Variants in CHADL observed in about 807,000 individuals in gnomAD.
CHADL encodes chondroadherin-like protein.
In CHADL, 48 loss-of-function variants were observed where a neutral mutation model predicts 52.1. The ratio of observed to expected loss-of-function variants is 0.92; its 90% confidence interval spans 0.73 to 1.17. CHADL has a LOEUF of 1.17. Ranked by LOEUF, CHADL falls within the 50% of genes most tolerant of loss-of-function variation. The pLI is 0.00. For synonymous variants in CHADL, 498 were observed against 511.2 expected, an observed-to-expected ratio of 0.97 and a Z score of 0.35; for missense variants, 977 against 1,035.1, an observed-to-expected ratio of 0.94 and a Z score of 0.77.
At position 41,238,282 on chromosome 22, in the gene CHADL, C is replaced by A; in HGVS notation, c.790G>T (p.Gly264Trp). The change falls in exon 3 of 6, where the codon GGG becomes TGG. Residue 264 changes from glycine (G) to tryptophan (W), a missense_variant. Transcript: ENST00000216241. This position sits in a 1 kb window ranked among gnomAD's most constrained non-coding sequence, Gnocchi z 4.9. Reference protein sequence around the residue: ...PGLRELLLDGGALQALGPRAF... With the variant: ...PGLRELLLDGWALQALGPRAF... The stretch of plus-strand genomic sequence containing the variant: ...CTGGGACCCAGGGCCTGCAGGGCCC[C>A]GCCGTCCAGCAGCAGCTCCCGCAGG... The A allele has an allele frequency of 6.5e-7, 1 of 1,529,716 alleles. No individual in the cohort carries two copies. The highest frequency in any genetic ancestry group is 8.7e-7 in the Non-Finnish European group (1 of 1,144,436). 94.8% of individuals were successfully genotyped at this position (1,529,716 alleles called of 1,614,324 possible).
At chr22:41,240,259 TTAA>T (rs1342138904) in intron 1 of CHADL, among the ~76,000 whole-genome samples, 1 of 152,160 alleles carries the variant, frequency 6.6e-6, no homozygotes, top group Non-Finnish European at 1.5e-5. Flanking sequence ...GGCTAATTTT[TTAA>T]TTACTTCTGG....
chr22:41,238,317 G>T lies in CHADL; in HGVS notation c.755C>A (p.Ala252Glu). Reference sequence around the variant, plus strand: ...CAGCAGCTCCCGCAGGCCGGGCAGCGCCAGCCCGTCCTCCTCGCCCGCGTA... The same window carrying T: ...CAGCAGCTCCCGCAGGCCGGGCAGCTCCAGCCCGTCCTCCTCGCCCGCGTA... Reference protein sequence around the residue: ...LTYAGEEDGLALPGLRELLLD... With the variant: ...LTYAGEEDGLELPGLRELLLD... The change falls in exon 3 of 6, where the codon GCG (alanine) becomes GAG (glutamate). Residue 252 changes from alanine (A) to glutamate (E), a missense_variant. Ala to Glu is a moderately radical substitution (Grantham distance 107, BLOSUM62 -1). Coordinates refer to ENST00000216241, the MANE Select transcript of CHADL (RefSeq NM_138481.2). The surrounding 1 kb of genome is among the most constrained non-coding windows in gnomAD (Gnocchi z 4.9). 6.6e-7 allele frequency: 1 copy of T among 1,525,022 alleles called. No individual in the cohort carries two copies. Among genetic ancestry groups the T allele is most frequent in the Non-Finnish European group, 8.8e-7 (1 of 1,142,550 alleles). The allele number at this position is 1,525,022 out of a possible 1,614,324, so 94.5% of individuals were successfully genotyped here. A position where few individuals can be genotyped will look rare whatever the true frequency, so the allele number is the denominator to read the frequency against.
chr22:41,238,725 T>G lies in CHADL; in HGVS notation c.347A>C (p.Asn116Thr). Reference sequence around the variant, plus strand: ...CTCACGCAGGTGGTTGGAGGCCAGGTTGAGCAGGAGCAGGCGGCCCAGGCC... The same window carrying G: ...CTCACGCAGGTGGTTGGAGGCCAGGGTGAGCAGGAGCAGGCGGCCCAGGCC... The part of the protein sequence containing the change: ...FRGLGRLLLL[N>T]LASNHLRELP... The change falls in exon 3 of 6, where the codon AAC becomes ACC. Residue 116 changes from asparagine to threonine, a missense_variant. Asn to Thr is a moderately conservative substitution (Grantham distance 65, BLOSUM62 0). Transcript: ENST00000216241. The surrounding 1 kb of genome is among the most constrained non-coding windows in gnomAD (Gnocchi z 4.9). The G allele has an allele frequency of 1.3e-6, 2 of 1,548,280 alleles. No homozygotes were observed. Among genetic ancestry groups the G allele is most frequent in the Non-Finnish European group, 1.7e-6 (2 of 1,146,526 alleles).
chr22:41,232,904 A>G (rs1394727702), intron 5 of CHADL, among the ~76,000 whole-genome samples: 1 of 152,138 alleles, frequency 6.6e-6, no homozygotes, highest in Non-Finnish European at 1.5e-5. Flanking sequence ...TATTGCTCTC[A>G]TCAACGATAG....
chr22:41,236,538 A>G lies in CHADL; in HGVS notation c.2009T>C (p.Ile670Thr), dbSNP rs898244686. ...ALPSLSQLELIDLSSNPFHCD... is the reference protein window; with the variant it reads ...ALPSLSQLELTDLSSNPFHCD... ...GTGGAAGGGATTGCTGCTGAGGTCG[A>G]TGAGCTCCAGCTGGCTGAGACTGGG... The change falls in exon 4 of 6, where the codon ATC (isoleucine) becomes ACC (threonine). Residue 670 changes from isoleucine (I) to threonine (T), a missense_variant. Physicochemically the swap from Ile to Thr is moderately conservative, Grantham distance 89. Coordinates refer to ENST00000216241, the MANE Select transcript of CHADL (RefSeq NM_138481.2). 8.4e-6 allele frequency: 13 copies of G among 1,551,340 alleles called. No homozygotes were observed. In the African/African-American group the frequency reaches 1.6e-4, roughly 20 times the overall value.
chr22:41,238,179 C>T lies in CHADL; in HGVS notation c.893G>A (p.Gly298Asp). The T allele has an allele frequency of 6.6e-7, 1 of 1,504,226 alleles. No homozygotes were observed. The highest frequency in any genetic ancestry group is 1.2e-5 in the South Asian group (1 of 80,636). The allele number at this position is 1,504,226 out of a possible 1,614,324, so 93.2% of individuals were successfully genotyped here. ...CCGCAGCCGGCGCAGCTGGCCCGGG[C>T]CCTGCAGCGGGGGCAGGGTGTCTAG... The part of the protein sequence containing the change: ...NQLDTLPPLQ[G>D]PGQLRRLRLQ... The change falls in exon 3 of 6, where the codon GGC becomes GAC. Residue 298 changes from glycine (G) to aspartate (D), a missense_variant. By Grantham distance (94) the Gly-to-Asp change is moderately conservative (BLOSUM62 -1). Transcript: ENST00000216241. The surrounding 1 kb of genome is among the most constrained non-coding windows in gnomAD (Gnocchi z 4.9).
In CHADL at chr22:41,237,510, G is replaced by A. The variant is rs1042915634; in HGVS notation, c.1562C>T (p.Pro521Leu). Residue 521 changes from proline (P) to leucine (L), a missense_variant, in exon 3 of 6, where the codon CCC (proline) becomes CTC (leucine). Physicochemically the swap from Pro to Leu is moderately conservative, Grantham distance 98 (BLOSUM62 -3). Transcript: ENST00000216241. ...QVPGAALRAL[P>L]SLFSLHLQDN... ...CTGCAGGTGCAGGGAGAAGAGGCTG[G>A]GCAGGGCGCGCAGGGCAGCCCCTGG... 3.2e-6 allele frequency: 5 copies of A among 1,550,492 alleles called. No individual in the cohort carries two copies. Among genetic ancestry groups the A allele is most frequent in the Non-Finnish European group, 4.4e-6 (5 of 1,146,938 alleles).
chr22:41,231,583 T>G (rs1441332756), intron 5 of CHADL, among the ~76,000 whole-genome samples: 1 of 152,276 alleles, frequency 6.6e-6, no homozygotes, highest in East Asian at 1.9e-4. Flanking sequence ...GACCACGTGT[T>G]GCTGGTGCCT....
chr22:41,239,378 C>A (rs1038338873), intron 2 of CHADL, 65 bp downstream of exon 2: 11 of 1,455,098 alleles, frequency 7.6e-6, no homozygotes, highest in Non-Finnish European at 9.3e-6. Context: ...CCAGCCCAGG[C>A]TCCTCCCTCT....
At position 41,238,214 on chromosome 22, in the gene CHADL, G is replaced by T; in HGVS notation, c.858C>A (p.Arg286=). The T allele has an allele frequency of 6.6e-7, 1 of 1,524,634 alleles. No individual in the cohort carries two copies. Among genetic ancestry groups the T allele is most frequent in the Non-Finnish European group, 8.7e-7 (1 of 1,143,148 alleles). The allele number at this position is 1,524,634 out of a possible 1,614,324, so 94.4% of individuals were successfully genotyped here. The change falls in exon 3 of 6, where the codon CGC becomes CGA. Residue 286 remains arginine (R), a synonymous_variant. Coordinates refer to ENST00000216241, the MANE Select transcript of CHADL (RefSeq NM_138481.2). The surrounding 1 kb of genome is among the most constrained non-coding windows in gnomAD (Gnocchi z 4.9). ...GGGGCAGGGTGTCTAGCTGGTTCCC[G>T]CGGAGGTCGAGGGTGTGCAGGCGCG... ...HCPRLHTLDL[R]GNQLDTLPPL...
chr22:41,232,704 A>G (rs2032647407), intron 5 of CHADL, among the ~76,000 whole-genome samples: 1 of 152,146 alleles, frequency 6.6e-6, no homozygotes, highest in African/African-American at 2.4e-5. Flanking sequence ...CAAAGCCATC[A>G]TACTGTGTGT....
rs780076931 is a variant in CHADL at position 41,237,518 on chromosome 22, G to A, written c.1554C>T (p.Arg518=). The stretch of plus-strand genomic sequence containing the variant: ...GCAGGGAGAAGAGGCTGGGCAGGGC[G>A]CGCAGGGCAGCCCCTGGCACCTGCA... ...RFLQVPGAAL[R]ALPSLFSLHL... is the part of the protein sequence containing the mutation. Residue 518 remains arginine, a synonymous_variant, in exon 3 of 6, where the codon CGC becomes CGT. Coordinates refer to ENST00000216241, the MANE Select transcript of CHADL (RefSeq NM_138481.2). 1.9e-5 allele frequency: 30 copies of A among 1,550,358 alleles called. 1 individual carries two copies. The South Asian group carries it at 2.5e-4, about 13-fold the overall frequency.
At chr22:41,230,078 C>G in intron 5 of CHADL, 4 of 821,628 alleles carry the variant, frequency 4.9e-6, no homozygotes, top group East Asian at 2.7e-5. Context: ...CCAGCTCCTC[C>G]GCCCCCACCC....
In CHADL at chr22:41,240,912, G is replaced by A; in HGVS notation, c.-31C>T. 1.3e-6 allele frequency: 2 copies of A among 1,547,216 alleles called. No homozygotes were observed. Among genetic ancestry groups the A allele is most frequent in the Admixed American group, 2.0e-5 (1 of 50,748 alleles). ...CTGGAACTGCTGGTCCAGCCTGGAG[G>A]CGCAGCGCAGGGACAGGCTGTCCCC... On this transcript the variant is annotated 5_prime_UTR_variant, in exon 1 of 6. Coordinates refer to ENST00000216241, the MANE Select transcript of CHADL (RefSeq NM_138481.2).
chr22:41,233,464 GA>G (rs5845492), intron 5 of CHADL, among the ~76,000 whole-genome samples: 7 of 148,434 alleles, frequency 4.7e-5, no homozygotes, highest in Admixed American at 2.0e-4. Context: ...CTCCATCTCA[GA>G]AAAAAAAAGG....
intron 5 of CHADL, among the ~76,000 whole-genome samples, chr22:41,233,216 C>T (rs561671329): frequency 6.6e-6 from 1 of 152,236 alleles, no homozygotes; most frequent in South Asian, 2.1e-4. Context: ...AATCCCAGCA[C>T]TTTGGGAGGC....
In CHADL at chr22:41,230,479, C is replaced by A. The variant is rs867725742; in HGVS notation, c.2263-749G>T. On this transcript the variant is annotated intron_variant, in intron 5 of 5. Coordinates refer to ENST00000216241, the MANE Select transcript of CHADL (RefSeq NM_138481.2). Reference sequence around the variant, plus strand: ...GTCTATATGACGGGCCGCCTGAGGCCCCAGAACTCGTCTGTGAACCACCTT... The same window carrying A: ...GTCTATATGACGGGCCGCCTGAGGCACCAGAACTCGTCTGTGAACCACCTT... 62 of 513,024 alleles carry A rather than the reference C, an allele frequency of 1.2e-4. No individual in the cohort carries two copies. In the Middle Eastern group the frequency reaches 4.1e-3, roughly 34 times the overall value. 31.8% of individuals were successfully genotyped at this position (513,024 alleles called of 1,614,324 possible).
intron 5 of CHADL, among the ~76,000 whole-genome samples, chr22:41,231,430 C>T (rs1265377841): frequency 2.6e-5 from 4 of 152,096 alleles, no homozygotes; most frequent in Non-Finnish European, 5.9e-5. Flanking sequence ...GTCTTAGCCA[C>T]ATGCTGTCAT....
At chr22:41,236,352 C>T in intron 4 of CHADL, 132 bp downstream of exon 4, 1 of 747,400 alleles carries the variant, frequency 1.3e-6, no homozygotes, top group South Asian at 1.8e-5. Context: ...ACATGCCTGG[C>T]TCTCACAGGA....
Sources: allele counts gnomAD v4.1 joint callset (sites outside exome capture counted in the v4.1 genomes callset), GRCh38; gene constraint gnomAD v4.1.1; non-coding constraint Gnocchi (gnomAD v3.1); transcripts MANE v1.5; gene names NCBI Gene and HGNC (gene_info 2026-07-23, HGNC 2026-07-21).